The following SAMD4A variants were observed in gnomAD, a reference collection of about 807,000 sequenced individuals.
SAMD4A encodes sterile alpha motif domain containing 4A, also known as protein Smaug homolog 1.
SAMD4A carries 33 observed loss-of-function variants against 81.3 expected under a neutral mutation model. The ratio of observed to expected loss-of-function variants is 0.41; its 90% CI spans 0.31 to 0.54. The LOEUF (loss-of-function observed/expected upper bound fraction) is 0.54. Ranked by LOEUF, SAMD4A falls within the 20% of genes least tolerant of loss-of-function variation. The pLI is 0.37. For synonymous variants in SAMD4A, 389 were observed against 382.1 expected (o/e 1.02, Z -0.21); for missense variants, 854 against 951.1 (o/e 0.90, Z 1.34).
chr14:54,566,361 G>T (rs1197030695), upstream of SAMD4A, among the ~76,000 whole-genome samples: 3 of 151,774 alleles, frequency 2.0e-5, no homozygotes, highest in Non-Finnish European at 4.4e-5. Flanking sequence ...GGGTCACTGG[G>T]GGTCCCCTCC....
At chr14:54,657,589 G>A (rs1321403977) in intron 2 of SAMD4A, among the ~76,000 whole-genome samples, 1 of 152,208 alleles carries the variant, frequency 6.6e-6, no homozygotes, top group Non-Finnish European at 1.5e-5. Context: ...AAAGAGTATT[G>A]CATCCTGTTG....
chr14:54,641,530 A>G (rs2035173995), intron 2 of SAMD4A, among the ~76,000 whole-genome samples: 1 of 152,230 alleles, frequency 6.6e-6, no homozygotes. Context: ...AAAGTTTACA[A>G]AGCAGTATTA....
chr14:54,594,399 G>A (rs2033859995), intron 2 of SAMD4A, among the ~76,000 whole-genome samples: 1 of 150,566 alleles, frequency 6.6e-6, no homozygotes, highest in Non-Finnish European at 1.5e-5. Context: ...CTCCAGTCTG[G>A]GTGACAGCAT....
At chr14:54,732,366 C>T (rs1221997924) in intron 3 of SAMD4A, among the ~76,000 whole-genome samples, 1 of 152,044 alleles carries the variant, frequency 6.6e-6, no homozygotes, top group African/African-American at 2.4e-5. Context: ...GCTTGGTGTA[C>T]GTAGGGATTT....
chr14:54,772,334 T>C (rs1184756923), intron 9 of SAMD4A, among the ~76,000 whole-genome samples: 2 of 152,242 alleles, frequency 1.3e-5, no homozygotes, highest in East Asian at 3.8e-4. Context: ...GCATTGATGA[T>C]TTCATTAAGC....
At chr14:54,755,472 A>G (rs780171007) in intron 6 of SAMD4A, among the ~76,000 whole-genome samples, 17 of 152,140 alleles carry the variant, frequency 1.1e-4, no homozygotes, top group Admixed American at 3.9e-4. Context: ...ACAGGCCCTG[A>G]GGAGCACCGT....
chr14:54,577,539 G>A (rs1454704111), intron 2 of SAMD4A, among the ~76,000 whole-genome samples: 2 of 152,232 alleles, frequency 1.3e-5, no homozygotes, highest in Non-Finnish European at 2.9e-5. Context: ...CTAAGCTAGA[G>A]AAGGCATAGT....
chr14:54,703,182 T>G (rs767798311), intron 3 of SAMD4A: 62 of 155,052 alleles, frequency 4.0e-4, no homozygotes, highest in Non-Finnish European at 6.4e-4. Flanking sequence ...TGTGGCCTGG[T>G]GAGAATGCCA....
chr14:54,607,118 G>T (rs1236705143), intron 2 of SAMD4A, among the ~76,000 whole-genome samples: 1 of 152,220 alleles, frequency 6.6e-6, no homozygotes, highest in Non-Finnish European at 1.5e-5. Flanking sequence ...TGGCAGGGAG[G>T]GAAATAGGGA....
intron 2 of SAMD4A, among the ~76,000 whole-genome samples, chr14:54,615,508 C>A (rs1385206490): frequency 6.6e-6 from 1 of 152,208 alleles, no homozygotes; most frequent in Non-Finnish European, 1.5e-5. Context: ...GAATTGATGG[C>A]ACTGTAAGTA....
chr14:54,780,558 C>G (rs141973773), intron 11 of SAMD4A, among the ~76,000 whole-genome samples: 156 of 152,280 alleles, frequency 1.0e-3, no homozygotes, highest in Admixed American at 8.2e-3. Context: ...TCCATGTCTT[C>G]TAATAAATCA....
At chr14:54,566,278 G>A (rs1254286332), upstream of SAMD4A, among the ~76,000 whole-genome samples, 2 of 151,486 alleles carry the variant, frequency 1.3e-5, no homozygotes, top group Admixed American at 6.6e-5. Flanking sequence ...CCCGCGCAAG[G>A]GCCCCCGAGC....
intron 2 of SAMD4A, among the ~76,000 whole-genome samples, chr14:54,696,589 A>G (rs1293561148): frequency 6.6e-6 from 1 of 152,238 alleles, no homozygotes; most frequent in African/African-American, 2.4e-5. Context: ...TTTAAGAGTA[A>G]TTTACTAACA....
Position 54,662,842 on chromosome 14 carries a change from C to T in SAMD4A, c.197-39220C>T, listed in dbSNP as rs372536851. The stretch of plus-strand genomic sequence containing the variant: ...ATTCCTACACGGTCTGCACACCCCA[C>T]GTTGACCCCCAGAGAGGTCTTGGAC... On this transcript the variant is annotated intron_variant, in intron 2 of 12. Coordinates refer to ENST00000554335, the MANE Select transcript of SAMD4A (RefSeq NM_015589.6). 9.9e-5 allele frequency among the ~76,000 whole-genome samples: 15 copies of T among 152,258 alleles called. No homozygotes were observed. In the East Asian group the frequency reaches 1.7e-3, roughly 18 times the overall value.
At chr14:54,568,138 C>T (rs1415775815) in intron 2 of SAMD4A, 26 bp downstream of exon 2, 4 of 1,448,904 alleles carry the variant, frequency 2.8e-6, no homozygotes, top group East Asian at 2.8e-5. Context: ...CCGCCGCCGC[C>T]GTCCCGCCTG....
chr14:54,634,735 G>C lies in SAMD4A; in HGVS notation c.196+66623G>C, dbSNP rs376199242. On this transcript the variant is annotated intron_variant, in intron 2 of 12. Transcript: ENST00000554335. The stretch of plus-strand genomic sequence containing the variant: ...TATCTATCTATCTGTCTGTCTGTCT[G>C]TCTGTCTGTCTGTCTGTCTGTCTGT... Among the ~76,000 whole-genome samples the C allele has an allele frequency of 2.2e-5, 3 of 139,054 alleles. 1 individual carries two copies. Among genetic ancestry groups the C allele is most frequent in the East Asian group, 4.2e-4 (2 of 4,808 alleles). 91.2% of individuals were successfully genotyped at this position (139,054 alleles called of 152,430 possible). A position where few individuals can be genotyped will look rare whatever the true frequency, so the allele number is the denominator to read the frequency against.
intron 2 of SAMD4A, among the ~76,000 whole-genome samples, chr14:54,680,466 G>T (rs1483670976): frequency 2.0e-5 from 3 of 152,092 alleles, no homozygotes; most frequent in Admixed American, 2.0e-4. Flanking sequence ...ATGGGTATTG[G>T]GGCTATTCTT....
intron 6 of SAMD4A, among the ~76,000 whole-genome samples, chr14:54,757,383 TTGTGTGTGTGTGTGTG>T (rs3051653): frequency 6.4e-5 from 9 of 140,062 alleles, no homozygotes; most frequent in South Asian, 2.4e-4. Context: ...GTTTCTTTAT[TTGTGTGTGTGTGTGTG>T]TGTGTGTGTG....
At chr14:54,681,036 C>G (rs944927621) in intron 2 of SAMD4A, among the ~76,000 whole-genome samples, 21 of 152,294 alleles carry the variant, frequency 1.4e-4, no homozygotes, top group Admixed American at 3.9e-4. Flanking sequence ...GTAAGAGAAC[C>G]AAGAACGTAA....
Sources: gnomAD v4.1 joint callset for allele counts (sites outside exome capture counted in the v4.1 genomes callset) on GRCh38, gnomAD v4.1.1 for gene constraint, MANE v1.5 for transcripts, NCBI Gene and HGNC (gene_info 2026-07-23, HGNC 2026-07-21) for gene names.